CACNA2D3: variants seen among roughly 807,000 people sequenced by gnomAD.
CACNA2D3 encodes voltage-dependent calcium channel subunit alpha-2/delta-3.
Under a neutral mutation model 160.6 loss-of-function variants are expected in CACNA2D3, and 60 were observed. The ratio of observed to expected loss-of-function variants is 0.37; its 90% CI spans 0.30 to 0.46. CACNA2D3 has a LOEUF of 0.46. Ranked by LOEUF, CACNA2D3 falls within the 20% of genes least tolerant of loss-of-function variation. The pLI is 1.00. For synonymous variants in CACNA2D3, 558 were observed against 492.9 expected (o/e 1.13, Z -1.75); for missense variants, 1,205 against 1,365.0 (o/e 0.88, Z 1.85).
intron 17 of CACNA2D3, among the ~76,000 whole-genome samples, chr3:54,854,577 G>A (rs1052685314): frequency 3.3e-5 from 5 of 151,946 alleles, no homozygotes; most frequent in African/African-American, 4.8e-5. Flanking sequence ...GGTGCCAGGC[G>A]CCGCAGCACC....
intron 3 of CACNA2D3, among the ~76,000 whole-genome samples, chr3:54,364,417 C>T (rs1698795257): frequency 6.6e-6 from 1 of 152,132 alleles, no homozygotes; most frequent in African/African-American, 2.4e-5. Context: ...GTTTTGTAGG[C>T]TTTAAGAACA....
intron 2 of CACNA2D3, among the ~76,000 whole-genome samples, chr3:54,193,596 C>T (rs571929552): frequency 6.6e-5 from 10 of 152,296 alleles, no homozygotes; most frequent in Non-Finnish European, 1.3e-4. Context: ...AAAAAGGAGT[C>T]ACTTTCCTGA....
chr3:54,806,305 C>T (rs984212230), intron 13 of CACNA2D3, among the ~76,000 whole-genome samples: 3 of 152,128 alleles, frequency 2.0e-5, no homozygotes, highest in African/African-American at 7.2e-5. Flanking sequence ...TAGAAAACCC[C>T]ATTGTCTCAG....
intron 11 of CACNA2D3, among the ~76,000 whole-genome samples, chr3:54,652,240 A>T (rs138451185): frequency 9.3e-4 from 142 of 152,298 alleles, no homozygotes; most frequent in African/African-American, 3.0e-3. Context: ...GGCAGCGGAA[A>T]AAAAGGGAAG....
At chr3:54,454,022 C>CT (rs2106824376) in intron 4 of CACNA2D3, among the ~76,000 whole-genome samples, 1 of 152,228 alleles carries the variant, frequency 6.6e-6, no homozygotes, top group East Asian at 1.9e-4. Context: ...CAGGCTAGCA[C>CT]TGATGTCCTT....
Position 55,073,633 on chromosome 3 carries a change from A to G in CACNA2D3, c.3100+76A>G, listed in dbSNP as rs113634005. ...TATCAGTGGTAAGGAAACCTGGGGG[A>G]GAAATATTAGAGAAGGAAAATTACA... On this transcript the variant is annotated intron_variant, in intron 36 of 37. Coordinates refer to ENST00000474759, the MANE Select transcript of CACNA2D3 (RefSeq NM_018398.3). 1,245 of 1,320,834 alleles carry G rather than the reference A, an allele frequency of 9.4e-4. 15 individuals are homozygous for G. The African/African-American group carries it at 0.016, about 17-fold the overall frequency. The allele number at this position is 1,320,834 out of a possible 1,614,324, so 81.8% of individuals were successfully genotyped here.
chr3:54,975,444 G>GCA (rs1415867881), intron 29 of CACNA2D3, among the ~76,000 whole-genome samples: 2 of 151,336 alleles, frequency 1.3e-5, no homozygotes, highest in South Asian at 2.1e-4. Flanking sequence ...ACCTGAACCT[G>GCA]GGAGGCAGAG....
intron 11 of CACNA2D3, among the ~76,000 whole-genome samples, chr3:54,712,648 CCAGT>C (rs1193171246): frequency 2.0e-5 from 3 of 152,250 alleles, no homozygotes; most frequent in Non-Finnish European, 4.4e-5. Flanking sequence ...TGTAAATTGC[CCAGT>C]CTTGGGTATG....
At chr3:54,349,606 A>G (rs1229627703) in intron 3 of CACNA2D3, among the ~76,000 whole-genome samples, 2 of 152,012 alleles carry the variant, frequency 1.3e-5, no homozygotes, top group African/African-American at 4.8e-5. Flanking sequence ...TTGCTTCCTT[A>G]TCTATACAAT....
chr3:54,947,633 T>G (rs1265924766), intron 27 of CACNA2D3, among the ~76,000 whole-genome samples: 1 of 152,106 alleles, frequency 6.6e-6, no homozygotes, highest in African/African-American at 2.4e-5. Flanking sequence ...AGTGGAGACT[T>G]AGTAGCAGGC....
intron 4 of CACNA2D3, among the ~76,000 whole-genome samples, chr3:54,496,935 G>A (rs1701212216): frequency 6.6e-6 from 1 of 152,030 alleles, no homozygotes; most frequent in African/African-American, 2.4e-5. Context: ...TATATGTGCA[G>A]CTTTATTTCT....
chr3:54,350,434 T>C lies in CACNA2D3; in HGVS notation c.321+29876T>C, dbSNP rs539947727. 7.8e-4 allele frequency among the ~76,000 whole-genome samples: 119 copies of C among 152,278 alleles called. 3 individuals carry two copies. In the South Asian group the frequency reaches 0.024, roughly 31 times the overall value. On this transcript the variant is annotated intron_variant, in intron 3 of 37. Coordinates refer to ENST00000474759, the MANE Select transcript of CACNA2D3 (RefSeq NM_018398.3). The stretch of plus-strand genomic sequence containing the variant: ...AAGTGAAGAAGACAGATATGGCCTT[T>C]CTCTCTCTGGGCTTGAAGTCTGAGT...
intron 4 of CACNA2D3, among the ~76,000 whole-genome samples, chr3:54,455,121 T>C (rs927656996): frequency 2.0e-5 from 3 of 152,152 alleles, no homozygotes; most frequent in Non-Finnish European, 4.4e-5. Context: ...GTAGGGGGAT[T>C]GCTGGATCAT....
intron 2 of CACNA2D3, among the ~76,000 whole-genome samples, chr3:54,262,360 G>T (rs1226520465): frequency 6.6e-6 from 1 of 152,156 alleles, no homozygotes; most frequent in African/African-American, 2.4e-5. Flanking sequence ...CCGAAGTGGG[G>T]AAAGTGGAAA....
intron 34 of CACNA2D3, among the ~76,000 whole-genome samples, chr3:55,011,107 C>T (rs991531773): frequency 6.6e-6 from 1 of 152,214 alleles, no homozygotes; most frequent in African/African-American, 2.4e-5. Context: ...CTGCTTAGAA[C>T]ATGAGATGGA....
At chr3:54,907,770 C>T (rs1437421512) in intron 27 of CACNA2D3, among the ~76,000 whole-genome samples, 1 of 152,166 alleles carries the variant, frequency 6.6e-6, no homozygotes, top group Non-Finnish European at 1.5e-5. Flanking sequence ...CACTCGTGTG[C>T]TTTCTCTATG....
At chr3:54,615,454 T>A (rs1698829974) in intron 9 of CACNA2D3, among the ~76,000 whole-genome samples, 1 of 152,170 alleles carries the variant, frequency 6.6e-6, no homozygotes, top group Admixed American at 6.5e-5. Context: ...TCTGGAATGC[T>A]CTTCATGACC....
intron 11 of CACNA2D3, among the ~76,000 whole-genome samples, chr3:54,682,480 G>A (rs1328000861): frequency 1.3e-5 from 2 of 151,990 alleles, no homozygotes; most frequent in South Asian, 2.1e-4. Context: ...ATAAAAATTA[G>A]CCAGGTATGG....
At chr3:54,229,132 G>C (rs1204726317) in intron 2 of CACNA2D3, among the ~76,000 whole-genome samples, 1 of 151,888 alleles carries the variant, frequency 6.6e-6, no homozygotes, top group African/African-American at 2.4e-5. Flanking sequence ...TATTTTCCTT[G>C]ATCTTTGTAA....
Sources: allele counts gnomAD v4.1 joint callset (sites outside exome capture counted in the v4.1 genomes callset), GRCh38; gene constraint gnomAD v4.1.1; transcripts MANE v1.5; gene names NCBI Gene and HGNC (gene_info 2026-07-23, HGNC 2026-07-21).